TBC1D5: variants seen among roughly 807,000 people sequenced by gnomAD.
TBC1D5 encodes the protein TBC1 domain family member 5.
Under a neutral mutation model 100.3 loss-of-function variants are expected in TBC1D5, and 75 were observed. The observed-to-expected ratio is 0.75, with a 90% CI of 0.62 to 0.91. The LOEUF is 0.91. TBC1D5 is among the 40% of genes least tolerant of loss of function. The pLI is 0.00. For synonymous variants in TBC1D5, 323 were observed against 325.6 expected, an observed-to-expected ratio of 0.99 and a Z score of 0.09; for missense variants, 910 against 942.4, an observed-to-expected ratio of 0.97 and a Z score of 0.45.
At chr3:17,209,408 C>T (rs1052383547) in intron 18 of TBC1D5, among the ~76,000 whole-genome samples, 2 of 152,214 alleles carry the variant, frequency 1.3e-5, no homozygotes, top group African/African-American at 4.8e-5. Context: ...AACTCAGCCT[C>T]CCTAAGTGTT....
At chr3:17,333,407 TATAAG>T (rs2087170954) in intron 13 of TBC1D5, 1 of 152,188 alleles carries the variant, frequency 6.6e-6, no homozygotes, top group South Asian at 2.1e-4. Context: ...TTAATAAAAC[TATAAG>T]ATTAGTGGCT....
chr3:17,174,679 C>T (rs184811760), intron 19 of TBC1D5, among the ~76,000 whole-genome samples: 60 of 152,182 alleles, frequency 3.9e-4, no homozygotes, highest in African/African-American at 1.3e-3. Context: ...CTGCAACCTC[C>T]GCCTCCTGGA....
rs566566105 is a variant in TBC1D5 at position 17,584,993 on chromosome 3, G to A, written c.-36+38856C>T. On this transcript the variant is annotated intron_variant, in intron 2 of 21. Transcript: ENST00000253692. Reference sequence around the variant, plus strand: ...TTCGACAGAGATGGGGATTTGCTATGTTGCCTAGACTGGTCTCCAACTCTT... The same window carrying A: ...TTCGACAGAGATGGGGATTTGCTATATTGCCTAGACTGGTCTCCAACTCTT... 4.6e-5 allele frequency among the ~76,000 whole-genome samples: 7 copies of A among 151,960 alleles called. No individual in the cohort carries two copies. In the South Asian group the frequency reaches 1.5e-3, roughly 32 times the overall value.
chr3:17,246,903 T>C (rs1238611287), intron 16 of TBC1D5, among the ~76,000 whole-genome samples: 1 of 152,210 alleles, frequency 6.6e-6, no homozygotes, highest in Non-Finnish European at 1.5e-5. Context: ...TCCTGGGAGA[T>C]AACCTATAAG....
chr3:17,468,522 CTG>C (rs1340601590), intron 3 of TBC1D5, among the ~76,000 whole-genome samples: 2 of 152,040 alleles, frequency 1.3e-5, no homozygotes, highest in Non-Finnish European at 2.9e-5. Flanking sequence ...TTCAAAGACT[CTG>C]TTTATTTTTG....
intron 17 of TBC1D5, among the ~76,000 whole-genome samples, chr3:17,236,323 C>A (rs1413345020): frequency 1.3e-5 from 2 of 152,076 alleles, no homozygotes; most frequent in Non-Finnish European, 2.9e-5. Flanking sequence ...AACAATAAAA[C>A]AGTACAATTA....
At chr3:17,355,105 C>T (rs919382176) in intron 13 of TBC1D5, among the ~76,000 whole-genome samples, 3 of 152,198 alleles carry the variant, frequency 2.0e-5, no homozygotes, top group South Asian at 2.1e-4. Flanking sequence ...ATTTCCCTTT[C>T]GTTGTTTTCT....
At chr3:17,611,320 A>G (rs1345424982) in intron 2 of TBC1D5, among the ~76,000 whole-genome samples, 1 of 152,150 alleles carries the variant, frequency 6.6e-6, no homozygotes, top group Non-Finnish European at 1.5e-5. Context: ...TCTTAGAATA[A>G]ATGTAATAGA....
chr3:17,354,581 G>T (rs971235591), intron 13 of TBC1D5, among the ~76,000 whole-genome samples: 2 of 151,974 alleles, frequency 1.3e-5, no homozygotes, highest in Admixed American at 1.3e-4. Context: ...AAGATGCCTG[G>T]GCAGTGTTGC....
intron 2 of TBC1D5, among the ~76,000 whole-genome samples, chr3:17,575,978 G>A (rs1318853674): frequency 6.6e-6 from 1 of 151,962 alleles, no homozygotes; most frequent in Admixed American, 6.6e-5. Context: ...CCCATCAAGT[G>A]CTTTATGCAA....
At chr3:17,396,816 A>G (rs2093518998) in intron 8 of TBC1D5, among the ~76,000 whole-genome samples, 1 of 152,156 alleles carries the variant, frequency 6.6e-6, no homozygotes, top group South Asian at 2.1e-4. Context: ...AAAGTTCAAC[A>G]TGAATAAAAA....
intron 2 of TBC1D5, among the ~76,000 whole-genome samples, chr3:17,580,012 C>G (rs1210254905): frequency 1.3e-5 from 2 of 152,092 alleles, no homozygotes; most frequent in Non-Finnish European, 2.9e-5. Flanking sequence ...ACAATAGACA[C>G]TTGGCATCCG....
chr3:17,626,292 T>C (rs984167724), intron 1 of TBC1D5, among the ~76,000 whole-genome samples: 7 of 152,202 alleles, frequency 4.6e-5, no homozygotes, highest in Admixed American at 4.6e-4. Flanking sequence ...TCTTTCTCTC[T>C]CTTCCAGAAT....
At chr3:17,499,064 T>C (rs2095751564) in intron 3 of TBC1D5, among the ~76,000 whole-genome samples, 1 of 152,012 alleles carries the variant, frequency 6.6e-6, no homozygotes, top group East Asian at 1.9e-4. Flanking sequence ...TTTCCCAGAG[T>C]AAAGTTTAAT....
At chr3:17,390,280 A>G (rs927270176) in intron 8 of TBC1D5, among the ~76,000 whole-genome samples, 1 of 152,162 alleles carries the variant, frequency 6.6e-6, no homozygotes, top group African/African-American at 2.4e-5. Flanking sequence ...AAGACATTCA[A>G]CAGGACAATG....
At chr3:17,321,139 C>A (rs575501548) in intron 13 of TBC1D5, among the ~76,000 whole-genome samples, 2 of 152,362 alleles carry the variant, frequency 1.3e-5, no homozygotes, top group East Asian at 3.9e-4. Flanking sequence ...CCAATCATAG[C>A]TCACTACAGC....
intron 1 of TBC1D5, among the ~76,000 whole-genome samples, chr3:17,732,155 TA>T (rs1346958307): frequency 6.6e-6 from 1 of 151,804 alleles, no homozygotes; most frequent in Non-Finnish European, 1.5e-5. Context: ...CCATCTCTAC[TA>T]AAAATACAAA....
At chr3:17,354,727 A>C (rs1433158877) in intron 13 of TBC1D5, among the ~76,000 whole-genome samples, 1 of 151,800 alleles carries the variant, frequency 6.6e-6, no homozygotes, top group Non-Finnish European at 1.5e-5. Context: ...AAAAAAAAAA[A>C]CCCCAGAGAA....
chr3:17,533,621 AAT>A, intron 2 of TBC1D5, among the ~76,000 whole-genome samples: 1 of 152,208 alleles, frequency 6.6e-6, no homozygotes. Flanking sequence ...TAAATTTATT[AAT>A]AGAGTCAGTA....
Sources: allele counts gnomAD v4.1 joint callset (sites outside exome capture counted in the v4.1 genomes callset), GRCh38; gene constraint gnomAD v4.1.1; transcripts MANE v1.5; gene names NCBI Gene and HGNC (gene_info 2026-07-23, HGNC 2026-07-21).